The following PPFIA1 variants were observed in gnomAD, a reference collection of about 807,000 sequenced individuals.
PPFIA1 encodes liprin-alpha-1.
Under a neutral mutation model 149.9 loss-of-function variants are expected in PPFIA1, and 25 were observed. That is an observed-to-expected ratio of 0.17 (90% confidence interval 0.12 to 0.23). The LOEUF is 0.23. Among genes scored for constraint, PPFIA1 ranks in the 10% least tolerant of loss-of-function variants. The pLI is 1.00. For missense variants in PPFIA1, 1,362 were observed against 1,506.5 expected (o/e 0.90, Z 1.59); for synonymous variants, 549 against 552.8 (o/e 0.99, Z 0.10).
intron 14 of PPFIA1, among the ~76,000 whole-genome samples, chr11:70,340,340 G>A (rs2055250811): frequency 6.6e-6 from 1 of 152,054 alleles, no homozygotes; most frequent in African/African-American, 2.4e-5. Flanking sequence ...TCTTGGGGCT[G>A]GGGTAGAAGG....
At chr11:70,380,064 C>A (rs927214242) in intron 26 of PPFIA1, among the ~76,000 whole-genome samples, 6 of 152,316 alleles carry the variant, frequency 3.9e-5, no homozygotes, top group Admixed American at 3.9e-4. Flanking sequence ...ATCACATCTC[C>A]CTTGTTAAAT....
intron 19 of PPFIA1, among the ~76,000 whole-genome samples, chr11:70,359,253 A>G (rs2056513210): frequency 6.6e-6 from 1 of 152,154 alleles, no homozygotes; most frequent in African/African-American, 2.4e-5. Flanking sequence ...GCCTCAAGTG[A>G]TCTTCCTGCC....
At chr11:70,279,991 A>G (rs1030661327) in intron 2 of PPFIA1, among the ~76,000 whole-genome samples, 3 of 150,160 alleles carry the variant, frequency 2.0e-5, no homozygotes, top group African/African-American at 7.4e-5. Flanking sequence ...TCACTGCAGC[A>G]TCTGCCTTCT....
At chr11:70,330,137 C>T (rs2054564223) in intron 7 of PPFIA1, 36 bp from the exon 8 acceptor site, 1 of 1,524,738 alleles carries the variant, frequency 6.6e-7, no homozygotes, top group Non-Finnish European at 8.9e-7. Context: ...TCGTTAATTA[C>T]CTACTTTTTT....
chr11:70,340,442 C>T (rs748539403), intron 14 of PPFIA1, among the ~76,000 whole-genome samples: 3 of 152,184 alleles, frequency 2.0e-5, no homozygotes, highest in Non-Finnish European at 4.4e-5. Flanking sequence ...GACCCTGTTT[C>T]TACAAAATAA....
At chr11:70,305,461 T>C (rs1045017870) in intron 2 of PPFIA1, among the ~76,000 whole-genome samples, 3 of 152,122 alleles carry the variant, frequency 2.0e-5, no homozygotes, top group African/African-American at 7.2e-5. Flanking sequence ...AGCCTCGACC[T>C]CCTGGGCTTA....
chr11:70,333,711 G>A (rs751991388), intron 10 of PPFIA1, among the ~76,000 whole-genome samples, 158 bp downstream of exon 10: 1 of 152,116 alleles, frequency 6.6e-6, no homozygotes, highest in African/African-American at 2.4e-5. Context: ...TCTGTGAGTC[G>A]CCTGCTAATG....
At position 70,352,537 on chromosome 11, in the gene PPFIA1, C is replaced by T. The variant is rs138498807; in HGVS notation, c.2164-1764C>T. Among the ~76,000 whole-genome samples, 34 of 152,116 alleles carry T rather than the reference C, an allele frequency of 2.2e-4. 1 individual carries two copies. In the East Asian group the frequency reaches 3.7e-3, roughly 16 times the overall value. On this transcript the variant is annotated intron_variant, in intron 16 of 27. Coordinates refer to ENST00000253925, the MANE Select transcript of PPFIA1 (RefSeq NM_003626.5). ...TGGTGTCTTTGAGGAGCCTAGGCCT[C>T]GGGTGGTTGTGAGGTTAAACCAGGG...
At position 70,383,357 on chromosome 11, in the gene PPFIA1, C is replaced by T. The variant is rs2057778555; in HGVS notation, c.*367C>T. On this transcript the variant is annotated 3_prime_UTR_variant, in exon 28 of 28. Transcript: ENST00000253925. ...ATGTATAAATCCTATGAATAGAGGG[C>T]TTTTGTAAATTATGCATTTATTGTA... 1 of 179,150 alleles carries T rather than the reference C, an allele frequency of 5.6e-6. No homozygotes were observed. The highest frequency in any genetic ancestry group is 6.5e-5 in the Admixed American group (1 of 15,364). The allele number at this position is 179,150 out of a possible 1,614,324, so 11.1% of individuals were successfully genotyped here. A position where few individuals can be genotyped will look rare whatever the true frequency, so the allele number is the denominator to read the frequency against.
intron 16 of PPFIA1, among the ~76,000 whole-genome samples, chr11:70,353,376 C>G (rs938408209): frequency 7.9e-5 from 12 of 152,188 alleles, no homozygotes; most frequent in African/African-American, 2.9e-4. Context: ...AAGAACCTGG[C>G]TCTTAAAATT....
At chr11:70,371,653 C>T (rs190864043) in intron 21 of PPFIA1, 2 of 10,418 alleles carry the variant, frequency 1.9e-4, no homozygotes, top group East Asian at 2.3e-3. Context: ...CTTCTTTCAT[C>T]AGTTGCTATG....
chr11:70,362,358 C>T lies in PPFIA1; in HGVS notation c.2735C>T (p.Ser912Leu), dbSNP rs200102101. 112 of 1,614,068 alleles carry T rather than the reference C, an allele frequency of 6.9e-5. No individual in the cohort carries two copies. The highest frequency in any genetic ancestry group is 1.6e-4 in the Middle Eastern group (1 of 6,084). The change falls in exon 21 of 28, where the codon TCG (serine) becomes TTG (leucine). Residue 912 changes from serine to leucine, a missense_variant. This residue lies in a region of PPFIA1 where 349 missense variants were observed against 373.3 expected (regional missense o/e 0.93). Transcript: ENST00000253925. ...RANVKSGAIM[S>L]ALSDTEIQRE... ...AACGTGAAAAGCGGGGCCATCATGT[C>T]GGCCCTGTCCGACACAGAGATCCAG...
intron 2 of PPFIA1, among the ~76,000 whole-genome samples, chr11:70,288,421 T>C (rs1315804514): frequency 2.6e-5 from 4 of 152,238 alleles, no homozygotes; most frequent in Non-Finnish European, 4.4e-5. Context: ...AGAGCTCTCC[T>C]TCTTGGTGAT....
chr11:70,356,363 T>C (rs2056362379), intron 19 of PPFIA1, 109 bp downstream of exon 19: 1 of 807,494 alleles, frequency 1.2e-6, no homozygotes, highest in Non-Finnish European at 2.0e-6. Flanking sequence ...TACATTATAT[T>C]CTGAAAGCTT....
intron 21 of PPFIA1, chr11:70,363,031 T>C (rs977377552): frequency 2.0e-5 from 3 of 152,474 alleles, no homozygotes; most frequent in Non-Finnish European, 4.4e-5. Flanking sequence ...TTTTCAGTTT[T>C]CATGATTCAA....
intron 26 of PPFIA1, among the ~76,000 whole-genome samples, chr11:70,379,977 T>C (rs1312827910): frequency 6.6e-6 from 1 of 152,250 alleles, no homozygotes; most frequent in Non-Finnish European, 1.5e-5. Flanking sequence ...GGCCTTCAGC[T>C]CAAGCTCTGT....
At chr11:70,376,269 A>G (rs2057487474) in intron 24 of PPFIA1, among the ~76,000 whole-genome samples, 1 of 152,098 alleles carries the variant, frequency 6.6e-6, no homozygotes, top group Admixed American at 6.6e-5. Context: ...GATTACAGGC[A>G]TGAGCCACCA....
At position 70,291,588 on chromosome 11, in the gene PPFIA1, T is replaced by C. The variant is rs559022078; in HGVS notation, c.264+19152T>C. ...CTCTTTGTGTTACCTGAAGGCACTT[T>C]ACAAACAGGAATTCAGTGCATTGCC... On this transcript the variant is annotated intron_variant, in intron 2 of 27. Coordinates refer to ENST00000253925, the MANE Select transcript of PPFIA1 (RefSeq NM_003626.5). Among the ~76,000 whole-genome samples the C allele has an allele frequency of 3.9e-5, 6 of 152,358 alleles. No individual in the cohort carries two copies. In the South Asian group the frequency reaches 1.2e-3, roughly 32 times the overall value.
At chr11:70,286,494 G>C (rs975251927) in intron 2 of PPFIA1, among the ~76,000 whole-genome samples, 4 of 152,124 alleles carry the variant, frequency 2.6e-5, no homozygotes, top group Non-Finnish European at 5.9e-5. Context: ...CTGATGATCT[G>C]CCCTTCTTGG....
Sources: allele counts gnomAD v4.1 joint callset (sites outside exome capture counted in the v4.1 genomes callset), GRCh38; gene constraint gnomAD v4.1.1; regional missense constraint gnomAD v4.1.1; transcripts MANE v1.5; gene names NCBI Gene and HGNC (gene_info 2026-07-23, HGNC 2026-07-21).